Variants in DPP10 observed in about 807,000 individuals in gnomAD.
DPP10 encodes dipeptidyl peptidase like 10.
In DPP10, 33 loss-of-function variants were observed where a neutral mutation model predicts 120.9. The observed-to-expected ratio is 0.27, with a 90% CI of 0.21 to 0.37. The LOEUF is 0.37. Among genes scored for constraint, DPP10 ranks in the 10% least tolerant of loss-of-function variants. The pLI is 1.00. For missense variants in DPP10, 816 were observed against 942.8 expected, an observed-to-expected ratio of 0.87 and a Z score of 1.76; for synonymous variants, 337 against 326.1, an observed-to-expected ratio of 1.03 and a Z score of -0.36.
chr2:115,280,777 C>A (rs2060126988), intron 1 of DPP10, among the ~76,000 whole-genome samples: 1 of 152,126 alleles, frequency 6.6e-6, no homozygotes, highest in African/African-American at 2.4e-5. Flanking sequence ...TTATTTTATT[C>A]TCAGTTACCT....
chr2:115,767,279 G>A (rs528461380), intron 12 of DPP10, among the ~76,000 whole-genome samples: 3 of 152,030 alleles, frequency 2.0e-5, no homozygotes, highest in Admixed American at 1.3e-4. Context: ...ACAGTAGAGG[G>A]CCAAGTCATC....
chr2:114,658,024 C>T (rs774834540), intron 1 of DPP10, among the ~76,000 whole-genome samples: 2 of 151,884 alleles, frequency 1.3e-5, no homozygotes, highest in Non-Finnish European at 2.9e-5. Flanking sequence ...GATTTAAATA[C>T]GTATTTGTGT....
intron 5 of DPP10, among the ~76,000 whole-genome samples, chr2:115,548,884 T>C (rs1186712199): frequency 6.6e-6 from 1 of 152,316 alleles, no homozygotes; most frequent in Non-Finnish European, 1.5e-5. Context: ...GTAATTATCC[T>C]CTTCTCTCAC....
chr2:115,062,439 C>G (rs974663272), intron 1 of DPP10, among the ~76,000 whole-genome samples: 2 of 152,116 alleles, frequency 1.3e-5, no homozygotes, highest in Non-Finnish European at 2.9e-5. Flanking sequence ...CATAGGTAAA[C>G]ATGTTCCATG....
intron 1 of DPP10, among the ~76,000 whole-genome samples, chr2:114,473,997 G>A (rs1294119286): frequency 4.6e-5 from 7 of 151,988 alleles, no homozygotes; most frequent in South Asian, 2.1e-4. Context: ...TCTCTCTGTC[G>A]CCCAGGCTGG....
intron 1 of DPP10, among the ~76,000 whole-genome samples, chr2:114,524,605 G>C (rs1451312089): frequency 6.6e-6 from 1 of 152,228 alleles, no homozygotes; most frequent in Non-Finnish European, 1.5e-5. Context: ...GGAAGGCATA[G>C]CCGTAGCTCT....
rs1314539014 is a variant in DPP10, at chr2:115,842,839, A to G, written c.*494A>G. On this transcript the variant is annotated 3_prime_UTR_variant, in exon 26 of 26. Transcript: ENST00000410059. ...GCTTAAGAAAATATTCAGTTAATAA[A>G]AAACAGAGTATTTTATGTAATTTCT... The G allele has an allele frequency of 6.5e-6, 1 of 152,694 alleles. No individual in the cohort carries two copies. The highest frequency in any genetic ancestry group is 1.5e-5 in the Non-Finnish European group (1 of 68,088). 9.5% of individuals were successfully genotyped at this position (152,694 alleles called of 1,614,324 possible).
Position 115,833,348 on chromosome 2 carries a change from A to G in DPP10, c.1951-2809A>G, listed in dbSNP as rs537025942. Among the ~76,000 whole-genome samples, 22 of 152,304 alleles carry G rather than the reference A, an allele frequency of 1.4e-4. 1 individual carries two copies. The South Asian group carries it at 4.6e-3, about 32-fold the overall frequency. On this transcript the variant is annotated intron_variant, in intron 21 of 25. Transcript: ENST00000410059. ...AGAAAAGTTGCATGCATCAGCTAAG[A>G]TGTGTGATGCATTCCTCACTATGGG...
At chr2:114,962,957 C>T (rs542407836) in intron 1 of DPP10, among the ~76,000 whole-genome samples, 12 of 152,236 alleles carry the variant, frequency 7.9e-5, no homozygotes, top group Non-Finnish European at 1.5e-4. Context: ...AGAATAATTA[C>T]TTTAAGTCTT....
chr2:115,728,538 C>G lies in DPP10; in HGVS notation c.697+602C>G, dbSNP rs191994200. Among the ~76,000 whole-genome samples, 250 of 152,220 alleles carry G rather than the reference C, an allele frequency of 1.6e-3. 1 individual carries two copies. Among genetic ancestry groups the G allele is most frequent in the Middle Eastern group, 6.8e-3 (2 of 294 alleles). On this transcript the variant is annotated intron_variant, in intron 8 of 25. Transcript: ENST00000410059. ...GAGTTCTACATATAGATTGCCTGGG[C>G]AAGACTCAAAGTATGAGTTTATTAC... is the stretch of plus-strand genomic sequence containing the variant.
intron 1 of DPP10, among the ~76,000 whole-genome samples, chr2:114,808,010 A>C (rs1684877512): frequency 6.6e-6 from 1 of 152,232 alleles, no homozygotes; most frequent in South Asian, 2.1e-4. Flanking sequence ...TGGTGGTGTC[A>C]GAGGAGTCAA....
At chr2:115,190,967 T>G (rs1191699785) in intron 1 of DPP10, among the ~76,000 whole-genome samples, 1 of 152,162 alleles carries the variant, frequency 6.6e-6, no homozygotes, top group African/African-American at 2.4e-5. Context: ...AGAGAAGGTT[T>G]GGTTAGCGGA....
At chr2:114,744,321 A>C (rs370319222) in intron 1 of DPP10, among the ~76,000 whole-genome samples, 24 of 152,336 alleles carry the variant, frequency 1.6e-4, no homozygotes, top group African/African-American at 5.8e-4. Context: ...AGTTTATCTA[A>C]GGAGACTATT....
intron 7 of DPP10, among the ~76,000 whole-genome samples, chr2:115,694,182 A>G (rs1291246272): frequency 6.6e-6 from 1 of 152,204 alleles, no homozygotes; most frequent in Non-Finnish European, 1.5e-5. Context: ...GGTCCATTTC[A>G]TATGAGTTTG....
At chr2:114,724,326 A>G (rs536888017) in intron 1 of DPP10, among the ~76,000 whole-genome samples, 5 of 152,354 alleles carry the variant, frequency 3.3e-5, no homozygotes, top group African/African-American at 9.6e-5. Context: ...CGTATAATCA[A>G]TCACTAATCA....
chr2:115,381,868 G>T (rs1042644612), intron 3 of DPP10, among the ~76,000 whole-genome samples: 2 of 151,988 alleles, frequency 1.3e-5, no homozygotes, highest in African/African-American at 2.4e-5. Flanking sequence ...GCTTCTCGGG[G>T]GTCAGGGGTC....
chr2:115,336,097 A>C (rs2063112197), intron 2 of DPP10, among the ~76,000 whole-genome samples: 1 of 152,132 alleles, frequency 6.6e-6, no homozygotes, highest in Non-Finnish European at 1.5e-5. Context: ...AGGAACCAAG[A>C]ACTTAAAGTC....
chr2:114,543,550 G>T (rs1013838648), intron 1 of DPP10, among the ~76,000 whole-genome samples: 1 of 152,018 alleles, frequency 6.6e-6, no homozygotes, highest in Non-Finnish European at 1.5e-5. Flanking sequence ...TACTTTTTTT[G>T]CTGTCTTTGG....
chr2:115,497,082 T>C (rs1328461755), intron 3 of DPP10, among the ~76,000 whole-genome samples: 1 of 152,092 alleles, frequency 6.6e-6, no homozygotes, highest in East Asian at 1.9e-4. Flanking sequence ...CTATCATCTA[T>C]ATTATCTATA....
Sources: gnomAD v4.1 joint callset for allele counts (sites outside exome capture counted in the v4.1 genomes callset) on GRCh38, gnomAD v4.1.1 for gene constraint, MANE v1.5 for transcripts, NCBI Gene and HGNC (gene_info 2026-07-23, HGNC 2026-07-21) for gene names.